PTPRJ: variants seen among roughly 807,000 people sequenced by gnomAD.
PTPRJ encodes receptor-type tyrosine-protein phosphatase eta.
PTPRJ carries 129 observed loss-of-function variants against 141.3 expected under a neutral mutation model. The observed-to-expected ratio is 0.91, with a 90% CI of 0.79 to 1.06. The LOEUF (loss-of-function observed/expected upper bound fraction) is 1.06. PTPRJ is among the 50% of genes least tolerant of loss of function. The pLI is 0.00. For synonymous variants in PTPRJ, 610 were observed against 640.5 expected (o/e 0.95, Z 0.72); for missense variants, 1,601 against 1,679.7 (o/e 0.95, Z 0.82).
intron 1 of PTPRJ, among the ~76,000 whole-genome samples, chr11:48,079,350 A>G (rs1855499756): frequency 6.6e-6 from 1 of 151,564 alleles, no homozygotes; most frequent in South Asian, 2.1e-4. Context: ...GGTGTTCTAG[A>G]TGTAGGCATC....
intron 12 of PTPRJ, 60 bp from the exon 13 acceptor site, chr11:48,144,615 G>A: frequency 7.4e-7 from 1 of 1,352,024 alleles, no homozygotes; most frequent in Non-Finnish European, 1.1e-6. Context: ...TAGATATGCA[G>A]GAGAAGAAAT....
intron 3 of PTPRJ, among the ~76,000 whole-genome samples, chr11:48,118,301 T>C (rs767203177): frequency 1.3e-5 from 2 of 152,152 alleles, no homozygotes; most frequent in African/African-American, 2.4e-5. Context: ...CCCAGGCTGC[T>C]CTTGAACTCC....
Position 48,136,171 on chromosome 11 carries a change from A to T in PTPRJ, c.1748A>T (p.His583Leu). 1 of 1,614,214 alleles carries T rather than the reference A, an allele frequency of 6.2e-7. No homozygotes were observed. The highest frequency in any genetic ancestry group is 8.5e-7 in the Non-Finnish European group (1 of 1,180,040). The change falls in exon 9 of 25, where the codon CAC (histidine) becomes CTC (leucine). Residue 583 changes from histidine to leucine, a missense_variant. Physicochemically the swap from His to Leu is moderately conservative, Grantham distance 99. Transcript: ENST00000418331. ...ATAGAGTCCAAGCATGGCTCTAACC[A>T]CACAAGCACGTATGACAAAGCGATT... is the stretch of plus-strand genomic sequence containing the variant. ...LVIESKHGSN[H>L]TSTYDKAITL... is the part of the protein sequence containing the mutation.
intron 1 of PTPRJ, among the ~76,000 whole-genome samples, chr11:48,002,051 T>C (rs1381037309): frequency 6.6e-6 from 1 of 152,036 alleles, no homozygotes; most frequent in Non-Finnish European, 1.5e-5. Flanking sequence ...GGGGTGTGCA[T>C]GGTGTTTTGG....
At chr11:48,102,285 C>T (rs528928016) in intron 1 of PTPRJ, among the ~76,000 whole-genome samples, 3 of 152,314 alleles carry the variant, frequency 2.0e-5, no homozygotes, top group South Asian at 4.1e-4. Context: ...CTGTGAACTC[C>T]AAGCACTTCC....
At chr11:48,164,713 C>T (rs1208633187) in intron 24 of PTPRJ, among the ~76,000 whole-genome samples, 198 bp downstream of exon 24, 1 of 151,794 alleles carries the variant, frequency 6.6e-6, no homozygotes, top group Non-Finnish European at 1.5e-5. Flanking sequence ...ATTACAGGCA[C>T]GCACACCATG....
At chr11:48,136,790 A>C (rs1383116240) in intron 9 of PTPRJ, among the ~76,000 whole-genome samples, 2 of 152,220 alleles carry the variant, frequency 1.3e-5, no homozygotes, top group African/African-American at 2.4e-5. Flanking sequence ...TTGAAGTATT[A>C]AAAGAAGCCT....
chr11:47,984,790 C>A (rs1355656679), intron 1 of PTPRJ, among the ~76,000 whole-genome samples: 1 of 151,538 alleles, frequency 6.6e-6, no homozygotes, highest in Non-Finnish European at 1.5e-5. Context: ...AACTCCTGAC[C>A]GTAGGTGATC....
At position 48,155,785 on chromosome 11, in the gene PTPRJ, T is replaced by A; in HGVS notation, c.3230-16T>A. 2 of 1,561,980 alleles carry A rather than the reference T, an allele frequency of 1.3e-6. No homozygotes were observed. The highest frequency in any genetic ancestry group is 1.7e-6 in the Non-Finnish European group (2 of 1,143,556). On this transcript the variant is annotated splice_polypyrimidine_tract_variant and intron_variant, in intron 19 of 24. Transcript: ENST00000418331. ...ATTTGCTTATAATGGGGACCTTTTT[T>A]CTTTTAATGTCACAGATGATATTTC...
At chr11:48,105,197 G>A (rs926736858) in intron 1 of PTPRJ, among the ~76,000 whole-genome samples, 4 of 149,106 alleles carry the variant, frequency 2.7e-5, no homozygotes, top group African/African-American at 9.8e-5. Context: ...CATCCCTCAA[G>A]CCCCTCCCTC....
At chr11:48,118,020 C>G (rs1177951461) in intron 3 of PTPRJ, among the ~76,000 whole-genome samples, 1 of 152,162 alleles carries the variant, frequency 6.6e-6, no homozygotes, top group Non-Finnish European at 1.5e-5. Flanking sequence ...AATAGAAAAT[C>G]TGAATAATCC....
intron 1 of PTPRJ, among the ~76,000 whole-genome samples, chr11:48,015,436 G>A (rs1009369297): frequency 6.6e-6 from 1 of 151,994 alleles, no homozygotes; most frequent in Non-Finnish European, 1.5e-5. Flanking sequence ...CCAACCTCCC[G>A]CCCTCCATCC....
At chr11:48,149,594 C>A in intron 16 of PTPRJ, 106 bp downstream of exon 16, 1 of 770,398 alleles carries the variant, frequency 1.3e-6, no homozygotes, top group Non-Finnish European at 2.1e-6. Context: ...CTGATTGGCA[C>A]ATTTTGACCA....
At chr11:48,098,974 C>G (rs61915876) in intron 1 of PTPRJ, among the ~76,000 whole-genome samples, 6,167 of 152,316 alleles carry the variant, frequency 0.04, 146 homozygotes, top group Non-Finnish European at 0.047. Flanking sequence ...GAGTTATCTT[C>G]TCTCGAACAT....
chr11:47,981,104 G>C lies in PTPRJ; in HGVS notation c.96+96G>C, dbSNP rs1224508862. 1.8e-5 allele frequency: 20 copies of C among 1,140,450 alleles called. No individual in the cohort carries two copies. In the African/African-American group the frequency reaches 2.9e-4, roughly 17 times the overall value. 70.6% of individuals were successfully genotyped at this position (1,140,450 alleles called of 1,614,324 possible). A position where few individuals can be genotyped will look rare whatever the true frequency, so the allele number is the denominator to read the frequency against. On this transcript the variant is annotated intron_variant, in intron 1 of 24. Transcript: ENST00000418331. ...AGCGTACCCCCCCGGGGGGTTCCGG[G>C]GAAGGGGGCGGGGGTCCGGATCCCC... is the stretch of plus-strand genomic sequence containing the variant.
At chr11:48,008,537 C>T (rs747598791) in intron 1 of PTPRJ, among the ~76,000 whole-genome samples, 3 of 151,666 alleles carry the variant, frequency 2.0e-5, no homozygotes, top group African/African-American at 7.3e-5. Context: ...GGATTACAGG[C>T]GTGAGCCACC....
At chr11:48,038,406 CCTTA>C (rs1459907434) in intron 1 of PTPRJ, among the ~76,000 whole-genome samples, 4 of 152,042 alleles carry the variant, frequency 2.6e-5, no homozygotes, top group African/African-American at 9.7e-5. Context: ...GGGAGGACAG[CCTTA>C]CTTTGGAGTT....
At chr11:48,120,969 T>G (rs1856688819) in intron 3 of PTPRJ, 34 bp from the exon 4 acceptor site, 4 of 1,471,198 alleles carry the variant, frequency 2.7e-6, no homozygotes, top group Non-Finnish European at 2.7e-6. Context: ...CTTTTTGAAG[T>G]GCAATAATTT....
chr11:48,151,535 A>G (rs991457367), intron 18 of PTPRJ, among the ~76,000 whole-genome samples: 1 of 151,184 alleles, frequency 6.6e-6, no homozygotes, highest in Non-Finnish European at 1.5e-5. Context: ...TACATGTGCC[A>G]TGTTGGTGTG....
Sources: allele counts gnomAD v4.1 joint callset (sites outside exome capture counted in the v4.1 genomes callset), GRCh38; gene constraint gnomAD v4.1.1; transcripts MANE v1.5; gene names NCBI Gene and HGNC (gene_info 2026-07-23, HGNC 2026-07-21).